CAST: variants seen among roughly 807,000 people sequenced by gnomAD.
The protein encoded by CAST is calpastatin, also known as MIR583 host.
A neutral mutation model predicts 119.6 loss-of-function variants in CAST; 76 were observed. That is an observed-to-expected ratio of 0.64 (90% CI 0.53 to 0.77). CAST has a LOEUF of 0.77. Among genes scored for constraint, CAST ranks in the 30% least tolerant of loss-of-function variants. The probability of loss-of-function intolerance (pLI) is 0.00; values close to 1 mark genes in which losing one functional copy is unlikely to be tolerated. For missense variants in CAST, 953 were observed against 946.5 expected, an observed-to-expected ratio of 1.01 and a Z score of -0.09; for synonymous variants, 319 against 331.6, an observed-to-expected ratio of 0.96 and a Z score of 0.41.
At chr5:96,695,675 C>T (rs79935417) in intron 2 of CAST, 161 bp from the exon 3 acceptor site, 1 of 479,532 alleles carries the variant, frequency 2.1e-6, no homozygotes, top group Non-Finnish European at 3.9e-6. Flanking sequence ...CATCTTCAGG[C>T]AAAGTAACGA....
the CAST span, among the ~76,000 whole-genome samples, chr5:96,345,051 A>G: frequency 6.1e-3 from 930 of 152,224 alleles, 9 homozygotes; most frequent in African/African-American, 0.021. Context: ...ATGAAATTCA[A>G]TTTGTATTTT....
intron 1 of CAST, among the ~76,000 whole-genome samples, chr5:96,617,633 CA>C (rs542986307): frequency 6.0e-5 from 9 of 149,306 alleles, no homozygotes; most frequent in Middle Eastern, 3.4e-3. Context: ...ACTAAAAATA[CA>C]AAAAAAAATT....
chr5:96,377,568 A>G, the CAST span, among the ~76,000 whole-genome samples: 1 of 152,200 alleles, frequency 6.6e-6, no homozygotes, highest in Non-Finnish European at 1.5e-5. Context: ...CCTAGGAGCA[A>G]CAGGCTATAG....
chr5:96,620,511 C>T (rs953707676), intron 1 of CAST, among the ~76,000 whole-genome samples: 8 of 152,126 alleles, frequency 5.3e-5, no homozygotes, highest in Non-Finnish European at 8.8e-5. Flanking sequence ...CAGTACTCTG[C>T]AGTGTACTCT....
At chr5:96,423,535 TG>T in the CAST span, 1 of 1,293,046 alleles carries the variant, frequency 7.7e-7, no homozygotes. Context: ...AGTTCCAACC[TG>T]GAGACCCATC....
chr5:96,315,330 C>T, the CAST span, among the ~76,000 whole-genome samples: 4 of 152,222 alleles, frequency 2.6e-5, no homozygotes, highest in Admixed American at 6.5e-5. Context: ...ATATGACAAC[C>T]GTAGCCAAAG....
chr5:96,668,810 A>T (rs1264925179), intron 1 of CAST, among the ~76,000 whole-genome samples: 3 of 53,068 alleles, frequency 5.7e-5, no homozygotes, highest in African/African-American at 6.6e-4. Context: ...TTACCCAGGT[A>T]AAAAAAAAAA....
chr5:96,629,095 A>G (rs1314438165), intron 1 of CAST, among the ~76,000 whole-genome samples: 1 of 151,862 alleles, frequency 6.6e-6, no homozygotes, highest in African/African-American at 2.4e-5. Flanking sequence ...CCGATACAAC[A>G]GTGTTTGGAG....
At chr5:96,487,365 T>C in the CAST span, among the ~76,000 whole-genome samples, 1 of 152,236 alleles carries the variant, frequency 6.6e-6, no homozygotes, top group Non-Finnish European at 1.5e-5. Context: ...CATAGCATAA[T>C]AACATTTAAC....
At chr5:96,766,774 A>C (rs1032352749) in intron 27 of CAST, among the ~76,000 whole-genome samples, 1 of 152,296 alleles carries the variant, frequency 6.6e-6, no homozygotes, top group African/African-American at 2.4e-5. Flanking sequence ...ATGATAAATA[A>C]CCCTTTCCAT....
intron 21 of CAST, 110 bp from the exon 22 acceptor site, chr5:96,754,548 A>G: frequency 1.4e-6 from 1 of 709,094 alleles, no homozygotes; most frequent in East Asian, 2.5e-5. Context: ...GGTCATATGT[A>G]CTTCCTAACC....
chr5:96,154,953 A>G, the CAST span, among the ~76,000 whole-genome samples: 2 of 152,204 alleles, frequency 1.3e-5, no homozygotes, highest in Non-Finnish European at 2.9e-5. Context: ...GAAGGAAGCC[A>G]CTTCCCCCAC....
chr5:96,711,682 T>C (rs1205727174), intron 3 of CAST, among the ~76,000 whole-genome samples: 1 of 152,226 alleles, frequency 6.6e-6, no homozygotes, highest in Non-Finnish European at 1.5e-5. Flanking sequence ...TTCAGCAGAC[T>C]AGTCTTACAA....
At chr5:96,417,068 A>T in the CAST span, among the ~76,000 whole-genome samples, 1 of 152,192 alleles carries the variant, frequency 6.6e-6, no homozygotes, top group East Asian at 1.9e-4. Context: ...ATATACCAAC[A>T]TAGAGTGAAA....
At chr5:96,466,944 T>G in the CAST span, among the ~76,000 whole-genome samples, 11 of 152,148 alleles carry the variant, frequency 7.2e-5, no homozygotes, top group African/African-American at 7.2e-5. Flanking sequence ...TGTACCAGTT[T>G]GCATTTGCAC....
chr5:96,759,526 G>A (rs1767220563), intron 24 of CAST, among the ~76,000 whole-genome samples: 1 of 151,942 alleles, frequency 6.6e-6, no homozygotes, highest in Admixed American at 6.6e-5. Context: ...TAAACTAAAT[G>A]CTTATTGAAT....
the CAST span, among the ~76,000 whole-genome samples, chr5:96,438,554 T>C: frequency 6.6e-6 from 1 of 152,152 alleles, no homozygotes; most frequent in Non-Finnish European, 1.5e-5. Context: ...TTATTTTATA[T>C]TATGGTCCTT....
chr5:96,401,582 A>T, the CAST span, among the ~76,000 whole-genome samples: 2 of 152,326 alleles, frequency 1.3e-5, no homozygotes, highest in African/African-American at 4.8e-5. Flanking sequence ...GGATTGTTGG[A>T]TCTATTATAC....
At chr5:96,299,659 A>G in the CAST span, among the ~76,000 whole-genome samples, 1 of 152,206 alleles carries the variant, frequency 6.6e-6, no homozygotes, top group African/African-American at 2.4e-5. Flanking sequence ...ATGAAGTAAT[A>G]TTTATCTTCA....
Sources: allele counts gnomAD v4.1 joint callset (sites outside exome capture counted in the v4.1 genomes callset), GRCh38; gene constraint gnomAD v4.1.1; transcripts MANE v1.5; gene names NCBI Gene and HGNC (gene_info 2026-07-23, HGNC 2026-07-21).